Variants in ANO5 observed in about 807,000 individuals in gnomAD.
ANO5 encodes the protein anoctamin-5.
Under a neutral mutation model 121.0 loss-of-function variants are expected in ANO5, and 109 were observed. That is an observed-to-expected ratio of 0.90 (90% CI 0.77 to 1.06). The LOEUF (loss-of-function observed/expected upper bound fraction) is 1.06. Among genes scored for constraint, ANO5 ranks in the 50% least tolerant of loss-of-function variants. The probability of loss-of-function intolerance (pLI) is 0.00; values close to 1 mark genes in which losing one functional copy is unlikely to be tolerated. For missense variants in ANO5, 1,064 were observed against 1,078.5 expected (o/e 0.99, Z 0.19); for synonymous variants, 406 against 359.9 (o/e 1.13, Z -1.45).
chr11:22,217,744 T>G (rs541004162), intron 3 of ANO5, among the ~76,000 whole-genome samples: 1 of 151,812 alleles, frequency 6.6e-6, no homozygotes, highest in South Asian at 2.1e-4. Context: ...ACACATGGAC[T>G]CATAGAAGGA....
chr11:22,193,589 C>CA (rs1851719205), intron 1 of ANO5, 57 bp downstream of exon 1: 3 of 1,584,972 alleles, frequency 1.9e-6, no homozygotes, highest in African/African-American at 2.7e-5. Context: ...TGCACCCCTC[C>CA]ACCCGCGGCG....
At chr11:22,211,729 G>A (rs1031074804) in intron 3 of ANO5, among the ~76,000 whole-genome samples, 1 of 151,784 alleles carries the variant, frequency 6.6e-6, no homozygotes. Flanking sequence ...TCATGAAAAA[G>A]TACAATTCAT....
intron 1 of ANO5, among the ~76,000 whole-genome samples, chr11:22,195,056 A>T (rs1037492053): frequency 1.3e-5 from 2 of 152,190 alleles, no homozygotes; most frequent in Non-Finnish European, 2.9e-5. Flanking sequence ...TCAATAATGT[A>T]TGAGGGTTCC....
At chr11:22,279,441 A>G (rs970296874) in intron 21 of ANO5, 103 bp from the exon 22 acceptor site, 268 of 963,586 alleles carry the variant, frequency 2.8e-4, no homozygotes, top group Non-Finnish European at 4.0e-4. Flanking sequence ...TCTACCTCAT[A>G]TGTTGAGCAG....
chr11:22,238,225 A>C (rs1257423071), intron 8 of ANO5, among the ~76,000 whole-genome samples: 11 of 152,054 alleles, frequency 7.2e-5, no homozygotes, highest in African/African-American at 2.7e-4. Flanking sequence ...AAAGTAGGTT[A>C]ATAAACACTT....
intron 17 of ANO5, among the ~76,000 whole-genome samples, chr11:22,267,642 G>A (rs1388184147): frequency 8.2e-6 from 1 of 121,870 alleles, no homozygotes; most frequent in Admixed American, 8.1e-5. Context: ...ACTGTTCAGA[G>A]GTACATGTGC....
In ANO5 at chr11:22,281,435, A is replaced by G. The variant is rs1332322851; in HGVS notation, c.*1670A>G. On this transcript the variant is annotated 3_prime_UTR_variant, in exon 22 of 22. Transcript: ENST00000324559. ...AGTACTGATTTGTCATCCACTGAGTAGACTTTATGAATATTTTGGGTAATT... is the reference window on the plus strand; with the variant it reads ...AGTACTGATTTGTCATCCACTGAGTGGACTTTATGAATATTTTGGGTAATT... 1 of 152,054 alleles carries G rather than the reference A, an allele frequency of 6.6e-6. No individual in the cohort carries two copies. The highest frequency in any genetic ancestry group is 1.5e-5 in the Non-Finnish European group (1 of 67,902). The allele number at this position is 152,054 out of a possible 1,614,324, so 9.4% of individuals were successfully genotyped here.
intron 18 of ANO5, among the ~76,000 whole-genome samples, chr11:22,272,312 A>G (rs1431356858): frequency 7.0e-6 from 1 of 143,316 alleles, no homozygotes; most frequent in Admixed American, 6.7e-5. Flanking sequence ...GCACACACAC[A>G]CACACACACA....
At chr11:22,252,062 A>AAAAAAAAAAATG (rs1853843252) in intron 12 of ANO5, among the ~76,000 whole-genome samples, 1 of 127,884 alleles carries the variant, frequency 7.8e-6, no homozygotes, top group African/African-American at 3.0e-5. Flanking sequence ...AAAAAAAACT[A>AAAAAAAAAAATG]GGCAAGGGCT....
Position 22,193,196 on chromosome 11 carries a change from C to A in ANO5, c.-297C>A, listed in dbSNP as rs569121940. On this transcript the variant is annotated 5_prime_UTR_variant, in exon 1 of 22. Coordinates refer to ENST00000324559, the MANE Select transcript of ANO5 (RefSeq NM_213599.3). Reference sequence around the variant, plus strand: ...CTGGGAGAGCGCCCAGGAGCGCTACCGGCTGAGGGTGGGGAAGCGCAGGGC... The same window carrying A: ...CTGGGAGAGCGCCCAGGAGCGCTACAGGCTGAGGGTGGGGAAGCGCAGGGC... 2.8e-5 allele frequency: 35 copies of A among 1,271,122 alleles called. No individual in the cohort carries two copies. The highest frequency in any genetic ancestry group is 6.4e-4 in the Middle Eastern group (2 of 3,104). The allele number at this position is 1,271,122 out of a possible 1,614,324, so 78.7% of individuals were successfully genotyped here.
At chr11:22,240,480 T>A (rs75904500) in intron 9 of ANO5, among the ~76,000 whole-genome samples, 4,389 of 152,140 alleles carry the variant, frequency 0.029, 202 homozygotes, top group African/African-American at 0.1. Flanking sequence ...CCAAATCAAC[T>A]GAAATGTTAT....
In ANO5 at chr11:22,279,833, C is replaced by T. The variant is rs542423260; in HGVS notation, c.*68C>T. On this transcript the variant is annotated 3_prime_UTR_variant, in exon 22 of 22. Coordinates refer to ENST00000324559, the MANE Select transcript of ANO5 (RefSeq NM_213599.3). ...TTTATCCTCTGGTTTTAGGGCCAGA[C>T]GCCAGAAGCCATGTGTCAATTTTAC... The T allele has an allele frequency of 5.3e-5, 70 of 1,313,458 alleles. No individual in the cohort carries two copies. Among genetic ancestry groups the T allele is most frequent in the African/African-American group, 1.0e-4 (7 of 67,572 alleles). 81.4% of individuals were successfully genotyped at this position (1,313,458 alleles called of 1,614,324 possible). A position where few individuals can be genotyped will look rare whatever the true frequency, so the allele number is the denominator to read the frequency against.
At chr11:22,216,345 C>T (rs1852442292) in intron 3 of ANO5, among the ~76,000 whole-genome samples, 1 of 151,860 alleles carries the variant, frequency 6.6e-6, no homozygotes, top group African/African-American at 2.4e-5. Context: ...TCTTCACCAA[C>T]ATTTGATATT....
At chr11:22,203,324 C>T (rs999233258) in intron 1 of ANO5, among the ~76,000 whole-genome samples, 1 of 152,074 alleles carries the variant, frequency 6.6e-6, no homozygotes, top group African/African-American at 2.4e-5. Context: ...AAATGCATTA[C>T]CATTACGGAG....
rs144159801 is a variant in ANO5, at chr11:22,227,508, A to G, written c.570A>G (p.Gln190=). The change falls in exon 7 of 22, where the codon CAA becomes CAG. Residue 190 remains glutamine (Q), a synonymous_variant. Transcript: ENST00000324559. ...KYPHPEYFTA[Q]FSRHRQELFL... is the part of the protein sequence containing the mutation. ...CCCATCCTGAATATTTTACTGCACA[A>G]TTCAGCAGACATCGGCAGGAGCTCT... is the stretch of plus-strand genomic sequence containing the variant. The G allele has an allele frequency of 1.6e-5, 26 of 1,613,570 alleles. No homozygotes were observed. The African/African-American group carries it at 2.9e-4, about 18-fold the overall frequency.
In ANO5 at chr11:22,227,286, C is replaced by CT. The variant is rs146983312; in HGVS notation, c.364-8dup. On this transcript the variant is annotated splice_polypyrimidine_tract_variant and intron_variant, in intron 6 of 21. Transcript: ENST00000324559. ...ATCAGTAAGCTTTCTGCTGTTTTGC[C>CT]TTTTTTTTAATGCAGGACTCGGAAG... 59 of 1,592,664 alleles carry CT rather than the reference C, an allele frequency of 3.7e-5. No individual in the cohort carries two copies. The highest frequency in any genetic ancestry group is 4.6e-5 in the Non-Finnish European group (53 of 1,163,606).
At chr11:22,273,682 A>G (rs1590329522) in intron 19 of ANO5, among the ~76,000 whole-genome samples, 1 of 152,160 alleles carries the variant, frequency 6.6e-6, no homozygotes, top group African/African-American at 2.4e-5. Context: ...AAGAATAAAG[A>G]TGTAATCAGA....
rs1006954079 is a variant in ANO5, at chr11:22,266,434, A to G, written c.1898+3391A>G. The stretch of plus-strand genomic sequence containing the variant: ...GTTCCTCTTAATCCACATTTGCTAC[A>G]GTACTTCATATTGTCTTATTAATTT... On this transcript the variant is annotated intron_variant, in intron 17 of 21. Coordinates refer to ENST00000324559, the MANE Select transcript of ANO5 (RefSeq NM_213599.3). 1.1e-4 allele frequency among the ~76,000 whole-genome samples: 16 copies of G among 152,298 alleles called. No homozygotes were observed. The South Asian group carries it at 2.9e-3, about 28-fold the overall frequency.
intron 19 of ANO5, 134 bp downstream of exon 19, chr11:22,273,123 AT>A: frequency 1.1e-6 from 1 of 949,362 alleles, no homozygotes; most frequent in Non-Finnish European, 1.7e-6. Flanking sequence ...CGAAATTGTT[AT>A]GCGCTAACCA....
Sources: allele counts gnomAD v4.1 joint callset (sites outside exome capture counted in the v4.1 genomes callset), GRCh38; gene constraint gnomAD v4.1.1; transcripts MANE v1.5; gene names NCBI Gene and HGNC (gene_info 2026-07-23, HGNC 2026-07-21).